The following GON4L variants were observed in gnomAD, a reference collection of about 807,000 sequenced individuals.
GON4L encodes the protein GON-4-like protein.
GON4L carries 87 observed loss-of-function variants against 211.8 expected under a neutral mutation model. That is an observed-to-expected ratio of 0.41 (90% CI 0.35 to 0.49). The LOEUF (loss-of-function observed/expected upper bound fraction) is 0.49, where lower values mean the gene tolerates loss of function less well. Ranked by LOEUF, GON4L falls within the 20% of genes least tolerant of loss-of-function variation. The pLI is 0.15. For missense variants in GON4L, 2,155 were observed against 2,659.5 expected (o/e 0.81, Z 4.17); for synonymous variants, 875 against 962.6 (o/e 0.91, Z 1.68).
At chr1:155,853,964 T>A (rs1672039866) in intron 1 of GON4L, among the ~76,000 whole-genome samples, 158 bp from the exon 2 acceptor site, 1 of 152,212 alleles carries the variant, frequency 6.6e-6, no homozygotes, top group African/African-American at 2.4e-5. Context: ...AGTGGTTAAG[T>A]GACTGAGTTC....
At position 155,760,459 on chromosome 1, in the gene GON4L, A is replaced by C; in HGVS notation, c.5094T>G (p.Ala1698=). ...ATTCACTTACTAATCCACAGGCCAG[A>C]GCTTGCTCAGGTAACAGGAAAGCAG... ...DFAAFLLPEQ[A]LACGLFEEQQ... is the part of the protein sequence containing the mutation. The change falls in exon 24 of 32, where the codon GCT becomes GCG. Residue 1698 remains alanine, a synonymous_variant. Transcript: ENST00000368331. 1 of 1,608,688 alleles carries C rather than the reference A, an allele frequency of 6.2e-7. No homozygotes were observed. Among genetic ancestry groups the C allele is most frequent in the Non-Finnish European group, 8.5e-7 (1 of 1,175,504 alleles).
intron 12 of GON4L, among the ~76,000 whole-genome samples, chr1:155,789,014 T>C (rs1765286): frequency 0.94 from 141,798 of 151,352 alleles, 67,139 homozygotes; most frequent in East Asian, 1. Flanking sequence ...GGCGTGAACC[T>C]GGTAGGCGGA....
intron 15 of GON4L, 127 bp from the exon 16 acceptor site, chr1:155,776,608 T>C (rs1663848804): frequency 1.3e-6 from 1 of 792,382 alleles, no homozygotes; most frequent in Non-Finnish European, 2.2e-6. Flanking sequence ...TGATGTGCAG[T>C]GATGCAATCA....
intron 18 of GON4L, among the ~76,000 whole-genome samples, chr1:155,771,609 A>AC (rs1303859226): frequency 2.0e-5 from 3 of 152,066 alleles, no homozygotes; most frequent in Admixed American, 6.6e-5. Flanking sequence ...AGTATCTGTG[A>AC]CCACAGACGT....
intron 2 of GON4L, among the ~76,000 whole-genome samples, chr1:155,828,762 C>T (rs1557908262): frequency 3.4e-5 from 5 of 146,486 alleles, no homozygotes; most frequent in Admixed American, 7.0e-5. Context: ...GTGCCGAGAT[C>T]GCGCCACTGA....
Position 155,814,359 on chromosome 1 carries a change from T to C in GON4L, c.1252A>G (p.Thr418Ala), listed in dbSNP as rs1245517894. 1 of 1,613,506 alleles carries C rather than the reference T, an allele frequency of 6.2e-7. No individual in the cohort carries two copies. Residue 418 changes from threonine to alanine, a missense_variant, in exon 9 of 32, where the codon ACA (threonine) becomes GCA (alanine). Around this residue, in one of 6 missense-constraint regions of GON4L, gnomAD observed 551 missense variants for 854.0 expected, o/e 0.65. Transcript: ENST00000368331. ...GATAATATGCCACTCTCCTCATCTG[T>C]TTCAGTCATCTCAGAAGACTGCCTC... is the stretch of plus-strand genomic sequence containing the variant. The part of the protein sequence containing the change: ...RLRQSSEMTE[T>A]DEESGILSEA...
intron 2 of GON4L, among the ~76,000 whole-genome samples, chr1:155,842,260 C>T (rs1670834718): frequency 6.6e-6 from 1 of 152,032 alleles, no homozygotes; most frequent in Non-Finnish European, 1.5e-5. Flanking sequence ...GGTGGTGGCT[C>T]ACGCCTGTAA....
Position 155,822,471 on chromosome 1 carries a change from G to A in GON4L, c.703C>T (p.Gln235Ter). The A allele has an allele frequency of 6.2e-7, 1 of 1,611,406 alleles. No individual in the cohort carries two copies. Among genetic ancestry groups the A allele is most frequent in the Non-Finnish European group, 8.5e-7 (1 of 1,178,636 alleles). Residue 235 changes from glutamine to a stop codon, truncating the protein, a stop_gained, in exon 4 of 32, where the codon CAA (glutamine) becomes TAA (stop). Transcript: ENST00000368331. LOFTEE classifies it high-confidence loss of function. The stretch of plus-strand genomic sequence containing the variant: ...CTTTTCTCACTTTCTTCATTGTCTT[G>A]TTCTTCTGCAAATAAACCAAGAACA... Reference protein sequence around the residue: ...DGGLFIPMEEQDNEESEKRRK... With the variant: ...DGGLFIPMEE
At position 155,835,164 on chromosome 1, in the gene GON4L, T is replaced by C. The variant is rs1213064806; in HGVS notation, c.506-8136A>G. Among the ~76,000 whole-genome samples, 6 of 152,240 alleles carry C rather than the reference T, an allele frequency of 3.9e-5. No homozygotes were observed. In the East Asian group the frequency reaches 1.2e-3, roughly 29 times the overall value. Reference sequence around the variant, plus strand: ...ATTCTTATCCTGTTGATCTGTGACCTTACCCCCAACCCTGTGCTCTCTGAA... The same window carrying C: ...ATTCTTATCCTGTTGATCTGTGACCCTACCCCCAACCCTGTGCTCTCTGAA... On this transcript the variant is annotated intron_variant, in intron 2 of 31. Coordinates refer to ENST00000368331, the MANE Select transcript of GON4L (RefSeq NM_001282860.2).
chr1:155,853,607 G>A lies in GON4L; in HGVS notation c.174C>T (p.Gly58=), dbSNP rs369922385. The change falls in exon 2 of 32, where the codon GGC becomes GGT. Residue 58 remains glycine (G), a synonymous_variant. Coordinates refer to ENST00000368331, the MANE Select transcript of GON4L (RefSeq NM_001282860.2). ...SWDPSHGRVA[G]FEVQSLQDAG... ...CATCCTGCAAAGACTGTACTTCGAA[G>A]CCAGCTACTCTGCCATGACTTGGAT... is the stretch of plus-strand genomic sequence containing the variant. 1.9e-6 allele frequency: 3 copies of A among 1,613,992 alleles called. No individual in the cohort carries two copies. The African/African-American group carries it at 4.0e-5, about 22-fold the overall frequency.
At position 155,766,112 on chromosome 1, in the gene GON4L, T is replaced by C; in HGVS notation, c.3361A>G (p.Lys1121Glu). ...GGAGAGGCCTTGACTCCTCTTCTCTTTGAGGGTCTCCGTCTCACATATGGC... is the reference window on the plus strand; with the variant it reads ...GGAGAGGCCTTGACTCCTCTTCTCTCTGAGGGTCTCCGTCTCACATATGGC... ...RKPYVRRRPS[K>E]RRGVKASPCM... is the part of the protein sequence containing the mutation. The change falls in exon 21 of 32, where the codon AAG becomes GAG. Residue 1121 changes from lysine (K) to glutamate (E), a missense_variant. Coordinates refer to ENST00000368331, the MANE Select transcript of GON4L (RefSeq NM_001282860.2). The C allele has an allele frequency of 6.2e-7, 1 of 1,614,106 alleles. No individual in the cohort carries two copies. Among genetic ancestry groups the C allele is most frequent in the Non-Finnish European group, 8.5e-7 (1 of 1,180,016 alleles).
At chr1:155,825,073 A>T (rs1019320694) in intron 3 of GON4L, among the ~76,000 whole-genome samples, 1 of 152,038 alleles carries the variant, frequency 6.6e-6, no homozygotes, top group African/African-American at 2.4e-5. Flanking sequence ...CTGAAGTGGG[A>T]AGATCACTTG....
At chr1:155,837,303 C>T (rs77640290) in intron 2 of GON4L, among the ~76,000 whole-genome samples, 1,728 of 152,264 alleles carry the variant, frequency 0.011, 32 homozygotes, top group African/African-American at 0.04. Context: ...AAAGCAGCCG[C>T]CTGAACACTT....
Position 155,751,272 on chromosome 1 carries a change from G to A in GON4L, c.6576+495C>T, listed in dbSNP as rs780008986. ...GGGCTTCCACTTTAAAATCCTGGCC[G>A]GGCGCAGTATCTCACCTATTCCCAG... On this transcript the variant is annotated intron_variant, in intron 31 of 31. Coordinates refer to ENST00000368331, the MANE Select transcript of GON4L (RefSeq NM_001282860.2). Among the ~76,000 whole-genome samples, 5 of 152,100 alleles carry A rather than the reference G, an allele frequency of 3.3e-5. 1 individual carries two copies. Among genetic ancestry groups the A allele is most frequent in the South Asian group, 4.1e-4 (2 of 4,822 alleles).
chr1:155,763,615 T>C, intron 21 of GON4L, 51 bp from the exon 22 acceptor site: 3 of 1,444,880 alleles, frequency 2.1e-6, no homozygotes, highest in Non-Finnish European at 2.8e-6. Context: ...GGCTCATGAA[T>C]TGCAAACAAC....
intron 6 of GON4L, among the ~76,000 whole-genome samples, chr1:155,819,310 G>T (rs924275892): frequency 5.9e-5 from 9 of 151,450 alleles, no homozygotes; most frequent in South Asian, 2.1e-4. Flanking sequence ...AAATAAAAAG[G>T]GGGGGAGAAA....
chr1:155,822,217 T>C, intron 4 of GON4L, 69 bp downstream of exon 4: 1 of 1,306,042 alleles, frequency 7.7e-7, no homozygotes, highest in Admixed American at 1.7e-5. Context: ...AAGAATTTGC[T>C]GAACATTTTT....
chr1:155,785,179 TC>T, intron 13 of GON4L, 154 bp downstream of exon 13: 1 of 738,592 alleles, frequency 1.4e-6, no homozygotes, highest in Non-Finnish European at 2.5e-6. Context: ...TTAGCAAAAT[TC>T]CCTTGTCATT....
chr1:155,782,164 T>C (rs528278898), intron 14 of GON4L, among the ~76,000 whole-genome samples: 16 of 152,232 alleles, frequency 1.1e-4, no homozygotes, highest in Non-Finnish European at 2.2e-4. Flanking sequence ...CTCTTCTTTA[T>C]TGTGTTTTAA....
Sources: gnomAD v4.1 joint callset for allele counts (sites outside exome capture counted in the v4.1 genomes callset) on GRCh38, gnomAD v4.1.1 for gene constraint, gnomAD v4.1.1 regional missense constraint, MANE v1.5 for transcripts, NCBI Gene and HGNC (gene_info 2026-07-23, HGNC 2026-07-21) for gene names.